DSCAML1: variants seen among roughly 807,000 people sequenced by gnomAD.
DSCAML1 encodes DS cell adhesion molecule like 1.
DSCAML1 carries 38 observed loss-of-function variants against 200.5 expected under a neutral mutation model. That is an observed-to-expected ratio of 0.19 (90% CI 0.15 to 0.25). DSCAML1 has a LOEUF of 0.25. Among genes scored for constraint, DSCAML1 ranks in the 10% least tolerant of loss-of-function variants. The pLI, the probability that DSCAML1 is intolerant of heterozygous loss-of-function variation, is 1.00. For missense variants in DSCAML1, 2,223 were observed against 2,858.8 expected, an observed-to-expected ratio of 0.78 and a Z score of 5.07; for synonymous variants, 1,215 against 1,165.0, an observed-to-expected ratio of 1.04 and a Z score of -0.87.
At chr11:117,766,014 C>T (rs12574613) in intron 3 of DSCAML1, among the ~76,000 whole-genome samples, 26,124 of 152,180 alleles carry the variant, frequency 0.17, 2,365 homozygotes, top group African/African-American at 0.21. Context: ...CTCATCCATC[C>T]CATTTACAAC....
At position 117,639,376 on chromosome 11, in the gene DSCAML1, G is replaced by T. The variant is rs1033505689; in HGVS notation, c.512-106854C>A. 2.0e-5 allele frequency among the ~76,000 whole-genome samples: 3 copies of T among 148,648 alleles called. No individual in the cohort carries two copies. In the South Asian group the frequency reaches 6.6e-4, roughly 33 times the overall value. On this transcript the variant is annotated intron_variant, in intron 3 of 32. Coordinates refer to ENST00000651296, the MANE Select transcript of DSCAML1 (RefSeq NM_020693.4). ...GTTGGATGGATGGGAGGCCGGATGG[G>T]TAGGAGGCTGGATGGATGGGAGGCT...
intron 3 of DSCAML1, among the ~76,000 whole-genome samples, chr11:117,771,061 C>T (rs1436307915): frequency 1.3e-5 from 2 of 152,152 alleles, no homozygotes; most frequent in Non-Finnish European, 2.9e-5. Flanking sequence ...GGGCACTCTC[C>T]AGCTCTCAGT....
intron 3 of DSCAML1, among the ~76,000 whole-genome samples, chr11:117,594,573 C>T (rs2051324461): frequency 1.3e-5 from 2 of 152,226 alleles, no homozygotes; most frequent in East Asian, 1.9e-4. Flanking sequence ...GGTGTTCTGG[C>T]TCTGACATCT....
intron 29 of DSCAML1, 112 bp downstream of exon 29, chr11:117,433,026 C>T (rs2047834821): frequency 2.3e-6 from 2 of 881,890 alleles, no homozygotes; most frequent in Admixed American, 4.0e-5. Context: ...GTTGATGGGG[C>T]TACTGCCAGA....
At chr11:117,773,950 C>CT (rs1453733467) in intron 3 of DSCAML1, among the ~76,000 whole-genome samples, 1 of 152,220 alleles carries the variant, frequency 6.6e-6, no homozygotes, top group Non-Finnish European at 1.5e-5. Flanking sequence ...ATCGAGGCCA[C>CT]TTTCCTGATA....
At chr11:117,742,804 G>A (rs964434162) in intron 3 of DSCAML1, among the ~76,000 whole-genome samples, 1 of 152,212 alleles carries the variant, frequency 6.6e-6, no homozygotes, top group African/African-American at 2.4e-5. Flanking sequence ...GGCTGCTGAG[G>A]GTTTGGGGAG....
intron 1 of DSCAML1, among the ~76,000 whole-genome samples, chr11:117,811,848 T>C (rs1396228888): frequency 6.6e-6 from 1 of 152,130 alleles, no homozygotes; most frequent in African/African-American, 2.4e-5. Context: ...TCTTAATCAA[T>C]ACGGAGGCTA....
chr11:117,707,169 A>G (rs1165460644), intron 3 of DSCAML1, among the ~76,000 whole-genome samples: 2 of 152,326 alleles, frequency 1.3e-5, no homozygotes, highest in Non-Finnish European at 1.5e-5. Flanking sequence ...TCAGCCCAGA[A>G]GGTGGGTGGT....
At chr11:117,530,673 C>T (rs941525193) in intron 4 of DSCAML1, among the ~76,000 whole-genome samples, 1 of 152,082 alleles carries the variant, frequency 6.6e-6, no homozygotes, top group African/African-American at 2.4e-5. Context: ...GGCCTTGCCC[C>T]ACATGTGACA....
At chr11:117,570,882 T>A (rs1001329741) in intron 3 of DSCAML1, among the ~76,000 whole-genome samples, 3 of 152,238 alleles carry the variant, frequency 2.0e-5, no homozygotes, top group Non-Finnish European at 2.9e-5. Context: ...GGCTGAAGCC[T>A]TGTTCCTTTG....
At chr11:117,700,458 G>A (rs1179875338) in intron 3 of DSCAML1, among the ~76,000 whole-genome samples, 3 of 152,198 alleles carry the variant, frequency 2.0e-5, no homozygotes, top group Admixed American at 2.0e-4. Flanking sequence ...CAGCACTCTT[G>A]TGACCACTAG....
chr11:117,521,522 T>C, intron 5 of DSCAML1, 117 bp from the exon 6 acceptor site: 1 of 1,085,272 alleles, frequency 9.2e-7, no homozygotes, highest in South Asian at 1.6e-5. Flanking sequence ...GCCCAGGTTC[T>C]GCCTCCAGAC....
chr11:117,541,640 G>A (rs1201384341), intron 3 of DSCAML1, among the ~76,000 whole-genome samples: 1 of 152,234 alleles, frequency 6.6e-6, no homozygotes, highest in Non-Finnish European at 1.5e-5. Context: ...AAAGCAAGAT[G>A]GATGGTTTGG....
intron 3 of DSCAML1, among the ~76,000 whole-genome samples, chr11:117,608,486 G>A (rs1436483133): frequency 6.6e-6 from 1 of 152,142 alleles, no homozygotes; most frequent in African/African-American, 2.4e-5. Context: ...TAATATGGTT[G>A]AGACTATCTT....
intron 8 of DSCAML1, among the ~76,000 whole-genome samples, chr11:117,514,410 C>G (rs2049711976): frequency 6.6e-6 from 1 of 152,018 alleles, no homozygotes. Context: ...AGCTCTATGT[C>G]TTTATTCCTA....
In DSCAML1 at chr11:117,489,966, C is replaced by T. The variant is rs1005438979; in HGVS notation, c.2360-7804G>A. Reference sequence around the variant, plus strand: ...CTCCAGTGCCCCAGGGCAGCCTGCCCCAGTCCACACTTAGGCTCACTCAGG... The same window carrying T: ...CTCCAGTGCCCCAGGGCAGCCTGCCTCAGTCCACACTTAGGCTCACTCAGG... On this transcript the variant is annotated intron_variant, in intron 11 of 32. Coordinates refer to ENST00000651296, the MANE Select transcript of DSCAML1 (RefSeq NM_020693.4). The surrounding 1 kb of genome is among the most constrained non-coding windows in gnomAD (Gnocchi z 4.8). Among the ~76,000 whole-genome samples the T allele has an allele frequency of 6.6e-6, 1 of 152,202 alleles. No individual in the cohort carries two copies. The highest frequency in any genetic ancestry group is 1.9e-4 in the East Asian group (1 of 5,188).
At chr11:117,464,743 C>T (rs2048545667) in intron 17 of DSCAML1, among the ~76,000 whole-genome samples, 199 bp downstream of exon 17, 1 of 152,146 alleles carries the variant, frequency 6.6e-6, no homozygotes, top group Non-Finnish European at 1.5e-5. Context: ...AAGGAGAGGC[C>T]CGATATGCTG....
At chr11:117,624,421 C>T (rs963249940) in intron 3 of DSCAML1, among the ~76,000 whole-genome samples, 2 of 152,272 alleles carry the variant, frequency 1.3e-5, no homozygotes, top group African/African-American at 4.8e-5. Context: ...GAGCTCAAAA[C>T]CTGTCTGTAA....
intron 3 of DSCAML1, among the ~76,000 whole-genome samples, chr11:117,561,904 G>A (rs544309559): frequency 6.6e-6 from 1 of 152,346 alleles, no homozygotes; most frequent in South Asian, 2.1e-4. Context: ...CTTCCACAAT[G>A]CCTGGCACCA....
Sources: gnomAD v4.1 joint callset for allele counts (sites outside exome capture counted in the v4.1 genomes callset) on GRCh38, gnomAD v4.1.1 for gene constraint, Gnocchi (gnomAD v3.1) non-coding constraint, MANE v1.5 for transcripts, NCBI Gene and HGNC (gene_info 2026-07-23, HGNC 2026-07-21) for gene names.